The following WWC1 variants were observed in gnomAD, a reference collection of about 807,000 sequenced individuals.
The protein encoded by WWC1 is protein KIBRA.
Under a neutral mutation model 138.4 loss-of-function variants are expected in WWC1, and 55 were observed. The observed-to-expected ratio is 0.40, with a 90% CI of 0.32 to 0.50. The LOEUF (loss-of-function observed/expected upper bound fraction) is 0.50, where lower values mean the gene tolerates loss of function less well. WWC1 is among the 20% of genes least tolerant of loss of function. WWC1 has a pLI of 0.72. For synonymous variants in WWC1, 524 were observed against 564.9 expected (o/e 0.93, Z 1.03); for missense variants, 1,226 against 1,420.4 (o/e 0.86, Z 2.20).
chr5:168,389,646 C>T (rs1303406178), intron 3 of WWC1, among the ~76,000 whole-genome samples: 1 of 139,274 alleles, frequency 7.2e-6, no homozygotes, highest in Non-Finnish European at 1.5e-5. Context: ...TGGCACCCAA[C>T]ATGTGACATG....
chr5:168,371,555 C>G, intron 2 of WWC1, 22 bp downstream of exon 2: 2 of 1,575,228 alleles, frequency 1.3e-6, no homozygotes, highest in Non-Finnish European at 1.7e-6. Flanking sequence ...ACGGTCCTCC[C>G]TTCCCTGTGC....
chr5:168,348,442 GAGGGA>G (rs1476781186), intron 1 of WWC1, among the ~76,000 whole-genome samples: 1 of 152,226 alleles, frequency 6.6e-6, no homozygotes, highest in East Asian at 1.9e-4. Flanking sequence ...GCTGCTGGCA[GAGGGA>G]AGGGCCACAC....
At chr5:168,373,181 A>G (rs553585569) in intron 2 of WWC1, among the ~76,000 whole-genome samples, 59 of 152,322 alleles carry the variant, frequency 3.9e-4, no homozygotes, top group African/African-American at 1.2e-3. Flanking sequence ...AGGAGACCTA[A>G]TCAGTCTTTT....
In WWC1 at chr5:168,469,062, C is replaced by T. The variant is rs776384057; in HGVS notation, c.*45C>T. Reference sequence around the variant, plus strand: ...TTTGTTCCACTGACCAGGCTGTGAACATTGACTGTGGCTAAAGTTATTTAT... The same window carrying T: ...TTTGTTCCACTGACCAGGCTGTGAATATTGACTGTGGCTAAAGTTATTTAT... On this transcript the variant is annotated 3_prime_UTR_variant, in exon 23 of 23. Coordinates refer to ENST00000265293, the MANE Select transcript of WWC1 (RefSeq NM_015238.3). The T allele has an allele frequency of 9.3e-6, 15 of 1,608,956 alleles. No homozygotes were observed. The Admixed American group carries it at 1.8e-4, about 20-fold the overall frequency.
chr5:168,341,272 A>G (rs1392810007), intron 1 of WWC1, among the ~76,000 whole-genome samples: 1 of 152,162 alleles, frequency 6.6e-6, no homozygotes, highest in Non-Finnish European at 1.5e-5. Flanking sequence ...GCTTGCTCTA[A>G]GATCTGTAGG....
At chr5:168,317,410 G>T (rs963544082) in intron 1 of WWC1, among the ~76,000 whole-genome samples, 2 of 152,120 alleles carry the variant, frequency 1.3e-5, no homozygotes, top group African/African-American at 4.8e-5. Context: ...CCTGGAGCTC[G>T]CAGCCAGATC....
intron 1 of WWC1, among the ~76,000 whole-genome samples, chr5:168,331,826 C>T (rs1773058042): frequency 6.6e-6 from 1 of 152,140 alleles, no homozygotes; most frequent in Non-Finnish European, 1.5e-5. Context: ...TTGTCAGCGG[C>T]TTGGAAGAGA....
intron 1 of WWC1, among the ~76,000 whole-genome samples, chr5:168,309,997 C>T (rs1367218465): frequency 6.6e-6 from 1 of 152,238 alleles, no homozygotes; most frequent in African/African-American, 2.4e-5. Flanking sequence ...GGTACCAGCT[C>T]AGTCTAACAC....
intron 22 of WWC1, among the ~76,000 whole-genome samples, chr5:168,468,479 A>T (rs2152898938): frequency 6.6e-6 from 1 of 151,002 alleles, no homozygotes; most frequent in African/African-American, 2.5e-5. Flanking sequence ...CAAGGTACAC[A>T]TGTTTGTGTA....
intron 17 of WWC1, among the ~76,000 whole-genome samples, chr5:168,445,823 G>A (rs1755207087): frequency 6.6e-6 from 1 of 151,410 alleles, no homozygotes; most frequent in South Asian, 2.1e-4. Flanking sequence ...TTTACTATGT[G>A]ACCTCCATCA....
intron 1 of WWC1, among the ~76,000 whole-genome samples, chr5:168,297,583 G>A (rs556398130): frequency 6.1e-4 from 86 of 139,888 alleles, no homozygotes; most frequent in African/African-American, 2.2e-3. Flanking sequence ...CCAAGATCGC[G>A]CCATTGCACT....
intron 17 of WWC1, among the ~76,000 whole-genome samples, chr5:168,450,485 G>A (rs1755696742): frequency 6.6e-6 from 1 of 152,102 alleles, no homozygotes; most frequent in African/African-American, 2.4e-5. Context: ...GGCCAACATG[G>A]TGAAACACCA....
chr5:168,384,692 G>A (rs1410369511), intron 2 of WWC1, among the ~76,000 whole-genome samples: 1 of 149,828 alleles, frequency 6.7e-6, no homozygotes, highest in Non-Finnish European at 1.5e-5. Flanking sequence ...CATTGGGTTT[G>A]GAAATTGATC....
chr5:168,471,520 G>A lies in WWC1; in HGVS notation c.*2503G>A, dbSNP rs942515148. On this transcript the variant is annotated 3_prime_UTR_variant, in exon 23 of 23. Transcript: ENST00000265293. ...TGCCTACACTCCTCTGAGCTTTGAG[G>A]AGGCTGCTCTCTTTGCTGACCCCAT... is the stretch of plus-strand genomic sequence containing the variant. 3.9e-5 allele frequency: 6 copies of A among 152,332 alleles called. No individual in the cohort carries two copies. The highest frequency in any genetic ancestry group is 1.2e-4 in the African/African-American group (5 of 41,460). 9.4% of individuals were successfully genotyped at this position (152,332 alleles called of 1,614,324 possible).
intron 17 of WWC1, among the ~76,000 whole-genome samples, chr5:168,446,957 A>G (rs1755331490): frequency 6.6e-6 from 1 of 152,222 alleles, no homozygotes; most frequent in Non-Finnish European, 1.5e-5. Flanking sequence ...ATTCAGACAG[A>G]TATGGATCTG....
At chr5:168,454,178 A>G (rs1756096073) in intron 18 of WWC1, 78 bp downstream of exon 18, 1 of 1,562,650 alleles carries the variant, frequency 6.4e-7, no homozygotes, top group Non-Finnish European at 8.6e-7. Flanking sequence ...GTCAGAAAAG[A>G]CTCAGAGCTA....
chr5:168,415,784 C>T (rs1279545170), intron 9 of WWC1: 1 of 83,816 alleles, frequency 1.2e-5, no homozygotes, highest in Non-Finnish European at 2.1e-5. Context: ...TAGAGATTTT[C>T]AAGTGTGTGT....
At chr5:168,412,281 G>A (rs995492720) in intron 8 of WWC1, among the ~76,000 whole-genome samples, 1 of 152,334 alleles carries the variant, frequency 6.6e-6, no homozygotes, top group East Asian at 1.9e-4. Context: ...GGACAGAGCA[G>A]CCTGCTCAAT....
At chr5:168,414,872 TA>T in intron 9 of WWC1, 1 of 367,784 alleles carries the variant, frequency 2.7e-6, no homozygotes, top group Non-Finnish European at 4.5e-6. Context: ...TTAAGCCACA[TA>T]ACTCTATATA....
Sources: allele counts gnomAD v4.1 joint callset (sites outside exome capture counted in the v4.1 genomes callset), GRCh38; gene constraint gnomAD v4.1.1; transcripts MANE v1.5; gene names NCBI Gene and HGNC (gene_info 2026-07-23, HGNC 2026-07-21).